Variants in OR2C1 observed in about 807,000 individuals in gnomAD.
OR2C1 encodes olfactory receptor 2C1.
For missense variants in OR2C1, 468 were observed against 388.3 expected (o/e 1.21, Z -1.73); for synonymous variants, 209 against 167.3 (o/e 1.25, Z -1.92).
the OR2C1 span, among the ~76,000 whole-genome samples, chr16:3,335,798 A>T: frequency 6.6e-6 from 1 of 152,112 alleles, no homozygotes. Flanking sequence ...CTTGCTTATT[A>T]GTTCTAAAAA....
the OR2C1 span, chr16:3,323,130 A>G: frequency 2.2e-5 from 12 of 548,730 alleles, no homozygotes; most frequent in South Asian, 2.5e-4. Flanking sequence ...TCAAAAAAAC[A>G]AAAACACATG....
At chr16:3,328,682 C>G in the OR2C1 span, among the ~76,000 whole-genome samples, 5 of 152,190 alleles carry the variant, frequency 3.3e-5, no homozygotes, top group Admixed American at 3.3e-4. Flanking sequence ...CTCTCCTTAT[C>G]CCAACAACTC....
chr16:3,331,337 T>C, the OR2C1 span, among the ~76,000 whole-genome samples: 1 of 151,818 alleles, frequency 6.6e-6, no homozygotes, highest in Admixed American at 6.6e-5. Context: ...TTTTGTAGGT[T>C]GCCTGTTCAC....
chr16:3,342,273 A>C, the OR2C1 span, among the ~76,000 whole-genome samples: 5 of 152,120 alleles, frequency 3.3e-5, no homozygotes, highest in African/African-American at 9.7e-5. Flanking sequence ...AAAACCCTAA[A>C]AGCACAAACC....
the OR2C1 span, among the ~76,000 whole-genome samples, chr16:3,344,497 G>C: frequency 0.016 from 2,439 of 152,286 alleles, 68 homozygotes; most frequent in African/African-American, 0.054. Flanking sequence ...GGAGGCCGAG[G>C]CGGGTGGATC....
chr16:3,357,083 T>G lies in OR2C1; in HGVS notation c.*204T>G. On this transcript the variant is annotated 3_prime_UTR_variant, in exon 1 of 1. Coordinates refer to ENST00000304936, the MANE Select transcript of OR2C1 (RefSeq NM_012368.3). ...TACACTTATTTACCAAAAATCCTAC[T>G]GTGGACTACCGATAGCAGGGGAGAC... 1.8e-6 allele frequency: 1 copy of G among 549,060 alleles called. No homozygotes were observed. Among genetic ancestry groups the G allele is most frequent in the South Asian group, 2.4e-5 (1 of 40,916 alleles). 34.0% of individuals were successfully genotyped at this position (549,060 alleles called of 1,614,324 possible). A position where few individuals can be genotyped will look rare whatever the true frequency, so the allele number is the denominator to read the frequency against.
chr16:3,331,132 G>A, the OR2C1 span, among the ~76,000 whole-genome samples: 1 of 152,270 alleles, frequency 6.6e-6, no homozygotes, highest in South Asian at 2.1e-4. Flanking sequence ...TTTCTCTGAT[G>A]GCCAATGATG....
the OR2C1 span, among the ~76,000 whole-genome samples, chr16:3,332,719 G>A: frequency 2.7e-5 from 1 of 36,810 alleles, no homozygotes; most frequent in Admixed American, 3.2e-4. Flanking sequence ...ATATTCTATT[G>A]CATATATATA....
At chr16:3,333,210 CATTTTTTTTTTTTTT>C in the OR2C1 span, among the ~76,000 whole-genome samples, 4 of 33,030 alleles carry the variant, frequency 1.2e-4, no homozygotes, top group African/African-American at 2.8e-4. Flanking sequence ...ATCTTTTGCC[CATTTTTTTTTTTTTT>C]TTTTTTTTTT....
At chr16:3,346,952 G>A in the OR2C1 span, among the ~76,000 whole-genome samples, 1 of 149,092 alleles carries the variant, frequency 6.7e-6, no homozygotes, top group Non-Finnish European at 1.5e-5. Flanking sequence ...TTTAAAAAAT[G>A]TAAAAGGTGA....
the OR2C1 span, among the ~76,000 whole-genome samples, chr16:3,336,244 A>C: frequency 1.3e-5 from 2 of 152,234 alleles, no homozygotes; most frequent in African/African-American, 2.4e-5. Flanking sequence ...CCCTGGGATG[A>C]ATCCCACTTG....
chr16:3,323,328 TG>T, the OR2C1 span: 1 of 1,099,548 alleles, frequency 9.1e-7, no homozygotes, highest in Non-Finnish European at 1.4e-6. Context: ...TGAGATCTCC[TG>T]GAAATGCTTC....
the OR2C1 span, chr16:3,324,027 A>G: frequency 9.2e-6 from 4 of 433,874 alleles, no homozygotes; most frequent in Non-Finnish European, 1.2e-5. Context: ...CATGATTTGT[A>G]CAATCAACTG....
At chr16:3,334,598 G>A in the OR2C1 span, among the ~76,000 whole-genome samples, 6 of 149,546 alleles carry the variant, frequency 4.0e-5, no homozygotes, top group African/African-American at 1.5e-4. Flanking sequence ...TATTCCCAAA[G>A]TACAGGGATT....
At chr16:3,330,098 T>G in the OR2C1 span, among the ~76,000 whole-genome samples, 1 of 148,332 alleles carries the variant, frequency 6.7e-6, no homozygotes, top group Non-Finnish European at 1.5e-5. Flanking sequence ...GTTTTTGTTT[T>G]TTTGTTTTGT....
chr16:3,323,789 C>T, the OR2C1 span: 3 of 753,572 alleles, frequency 4.0e-6, no homozygotes, highest in African/African-American at 5.2e-5. Flanking sequence ...AAACCTGAGC[C>T]CTTTTCCTTT....
the OR2C1 span, among the ~76,000 whole-genome samples, chr16:3,333,036 A>G: frequency 2.0e-5 from 3 of 152,100 alleles, no homozygotes; most frequent in Non-Finnish European, 1.5e-5. Flanking sequence ...CCTCGCCAGC[A>G]GCTGTTATTT....
chr16:3,350,330 C>G, the OR2C1 span, among the ~76,000 whole-genome samples: 2 of 151,878 alleles, frequency 1.3e-5, no homozygotes, highest in African/African-American at 4.8e-5. Context: ...GCTGAGATTA[C>G]AGGCGTGAGC....
the OR2C1 span, among the ~76,000 whole-genome samples, chr16:3,333,622 A>G: frequency 6.6e-6 from 1 of 152,180 alleles, no homozygotes; most frequent in Admixed American, 6.5e-5. Flanking sequence ...GGCGTGGGCC[A>G]CTGTGCCCAG....
Sources: gnomAD v4.1 joint callset for allele counts (sites outside exome capture counted in the v4.1 genomes callset) on GRCh38, gnomAD v4.1.1 for gene constraint, MANE v1.5 for transcripts, NCBI Gene and HGNC (gene_info 2026-07-23, HGNC 2026-07-21) for gene names.